Variants in ADAMTS7 observed in about 807,000 individuals in gnomAD.
ADAMTS7 encodes A disintegrin and metalloproteinase with thrombospondin motifs 7.
In ADAMTS7, 89 loss-of-function variants were observed where a neutral mutation model predicts 172.6. That is an observed-to-expected ratio of 0.52 (90% CI 0.43 to 0.61). The LOEUF (loss-of-function observed/expected upper bound fraction) is 0.61, where lower values mean the gene tolerates loss of function less well. Ranked by LOEUF, ADAMTS7 falls within the 20% of genes least tolerant of loss-of-function variation. The pLI is 0.00. For synonymous variants in ADAMTS7, 885 were observed against 978.4 expected, an observed-to-expected ratio of 0.90 and a Z score of 1.78; for missense variants, 1,973 against 2,355.6, an observed-to-expected ratio of 0.84 and a Z score of 3.36.
chr15:78,796,506 C>G (rs2055644990), intron 4 of ADAMTS7, 84 bp downstream of exon 4: 4 of 1,483,198 alleles, frequency 2.7e-6, no homozygotes, highest in Non-Finnish European at 3.7e-6. Context: ...TCCAGCCTGA[C>G]AGCCTTCCTG....
chr15:78,777,659 G>T, intron 8 of ADAMTS7, 71 bp from the exon 9 acceptor site: 5 of 1,543,242 alleles, frequency 3.2e-6, no homozygotes, highest in Non-Finnish European at 4.4e-6. Context: ...TGGTGGGGCC[G>T]GGACAGGAGG....
At position 78,789,205 on chromosome 15, in the gene ADAMTS7, C is replaced by T. The variant is rs74760983; in HGVS notation, c.1178+484G>A. On this transcript the variant is annotated intron_variant, in intron 7 of 23. Coordinates refer to ENST00000388820, the MANE Select transcript of ADAMTS7 (RefSeq NM_014272.5). ...AGCCAGGGCACAGGTGGCTGGAGGC[C>T]TGTGAAGACAGGAGCCTCAGGCAGC... 0.029 allele frequency among the ~76,000 whole-genome samples: 4,352 copies of T among 152,312 alleles called. 563 individuals carry two copies. In the East Asian group the frequency reaches 0.37, roughly 13 times the overall value.
intron 8 of ADAMTS7, among the ~76,000 whole-genome samples, chr15:78,785,546 C>CAA (rs58203887): frequency 1.6e-5 from 2 of 124,652 alleles, no homozygotes; most frequent in African/African-American, 3.3e-5. Context: ...GAGAGTCTCT[C>CAA]AAAAAAAAAA....
intron 2 of ADAMTS7, among the ~76,000 whole-genome samples, chr15:78,799,439 T>G (rs1196419579): frequency 7.7e-6 from 1 of 129,590 alleles, no homozygotes; most frequent in African/African-American, 2.5e-5. Flanking sequence ...AGCACCACCC[T>G]TCAGCCAGGC....
chr15:78,793,352 CTT>C lies in ADAMTS7; in HGVS notation c.820-2131_820-2130del, dbSNP rs55739451. ...CCTGTAGTAACGAAGTCTGTTTTAC[CTT>C]TTTTTTTTTTTTCTTTTGAGACAGA... On this transcript the variant is annotated intron_variant, in intron 4 of 23. Transcript: ENST00000388820. 9.1e-3 allele frequency among the ~76,000 whole-genome samples: 1,320 copies of C among 144,746 alleles called. 15 individuals carry two copies. Among genetic ancestry groups the C allele is most frequent in the African/African-American group, 0.03 (1,197 of 39,416 alleles). The allele number at this position is 144,746 out of a possible 152,430, so 95.0% of individuals were successfully genotyped here.
Position 78,811,316 on chromosome 15 carries a change from C to T in ADAMTS7, c.-96G>A. On this transcript the variant is annotated 5_prime_UTR_variant, in exon 1 of 24. Transcript: ENST00000388820. ...GTCCCAGGTCCGGCTCAGGACATGC[C>T]CGGCCGGCGTGCAGCTCCCGGCGAC... The T allele has an allele frequency of 8.3e-7, 1 of 1,208,088 alleles. No homozygotes were observed. Among genetic ancestry groups the T allele is most frequent in the Admixed American group, 4.3e-5 (1 of 23,140 alleles). The allele number at this position is 1,208,088 out of a possible 1,614,324, so 74.8% of individuals were successfully genotyped here.
At chr15:78,792,530 G>A (rs188985025) in intron 4 of ADAMTS7, among the ~76,000 whole-genome samples, 1 of 152,362 alleles carries the variant, frequency 6.6e-6, no homozygotes, top group African/African-American at 2.4e-5. Context: ...AAGGACAGAA[G>A]TCCCCAGCCT....
At chr15:78,806,129 A>ACACAC (rs1567245846) in intron 1 of ADAMTS7, among the ~76,000 whole-genome samples, 3 of 23,150 alleles carry the variant, frequency 1.3e-4, no homozygotes, top group African/African-American at 5.2e-4. Flanking sequence ...CACACACACA[A>ACACAC]AAAAAAAAAA....
At chr15:78,775,524 T>G (rs78632183) in intron 11 of ADAMTS7, among the ~76,000 whole-genome samples, 88,900 of 150,076 alleles carry the variant, frequency 0.59, 28,039 homozygotes, top group East Asian at 0.78. Context: ...TTGCCTCTGC[T>G]TCTCACCAGA....
At chr15:78,807,872 TC>T (rs1359270006) in intron 1 of ADAMTS7, among the ~76,000 whole-genome samples, 13 of 132,638 alleles carry the variant, frequency 9.8e-5, no homozygotes, top group East Asian at 5.9e-4. Context: ...TTTATTTATT[TC>T]TTTTTTTTTT....
At position 78,768,026 on chromosome 15, in the gene ADAMTS7, G is replaced by A. The variant is rs2055184835; in HGVS notation, c.2645+107C>T. 6 of 719,454 alleles carry A rather than the reference G, an allele frequency of 8.3e-6. No individual in the cohort carries two copies. In the East Asian group the frequency reaches 9.4e-5, roughly 11 times the overall value. The allele number at this position is 719,454 out of a possible 1,614,324, so 44.6% of individuals were successfully genotyped here. ...ACCTGTGGCAGACCCAGGATGCCTG[G>A]GGGTGGGGAGTTGGCGGGGGATGGG... On this transcript the variant is annotated intron_variant, in intron 17 of 23. Transcript: ENST00000388820.
intron 8 of ADAMTS7, among the ~76,000 whole-genome samples, chr15:78,777,906 C>T (rs1440302919): frequency 2.0e-5 from 3 of 152,238 alleles, no homozygotes; most frequent in South Asian, 2.1e-4. Context: ...TGTGGCCCTG[C>T]TCTCCGACCC....
intron 4 of ADAMTS7, among the ~76,000 whole-genome samples, chr15:78,793,443 G>A (rs2055606417): frequency 6.6e-6 from 1 of 151,496 alleles, no homozygotes; most frequent in South Asian, 2.1e-4. Context: ...AGCCGCTGCA[G>A]CCTCCACCTC....
chr15:78,767,468 A>G lies in ADAMTS7; in HGVS notation c.2770T>C (p.Cys924Arg). ...DEQSALEPPACEHLPRPPTET... is the reference protein window; with the variant it reads ...DEQSALEPPAREHLPRPPTET... ...GTAGGGGGCCGGGGAAGGTGTTCAC[A>G]GGCGGGTGGCTCCAGGGCGCTCTGC... is the stretch of plus-strand genomic sequence containing the variant. The change falls in exon 18 of 24, where the codon TGT (cysteine) becomes CGT (arginine). Residue 924 changes from cysteine (C) to arginine (R), a missense_variant. Transcript: ENST00000388820. 1 of 1,611,560 alleles carries G rather than the reference A, an allele frequency of 6.2e-7. No homozygotes were observed. Among genetic ancestry groups the G allele is most frequent in the Non-Finnish European group, 8.5e-7 (1 of 1,179,752 alleles).
intron 23 of ADAMTS7, chr15:78,761,947 TC>T (rs946618886): frequency 1.0e-6 from 1 of 985,226 alleles, no homozygotes; most frequent in African/African-American, 1.7e-5. Flanking sequence ...AGGAGGCCCT[TC>T]CTGTGGTTCC....
chr15:78,776,877 C>A, intron 9 of ADAMTS7, 36 bp from the exon 10 acceptor site: 1 of 1,503,426 alleles, frequency 6.7e-7, no homozygotes, highest in Non-Finnish European at 9.0e-7. Context: ...ACCCTCACAC[C>A]CTCCCCAGTG....
chr15:78,781,160 C>T (rs1473575750), intron 8 of ADAMTS7, among the ~76,000 whole-genome samples: 2 of 152,220 alleles, frequency 1.3e-5, no homozygotes, highest in African/African-American at 4.8e-5. Flanking sequence ...TGCGACGCCC[C>T]CAAGTCCTAG....
chr15:78,776,962 AC>A, intron 9 of ADAMTS7, 121 bp from the exon 10 acceptor site: 1 of 764,692 alleles, frequency 1.3e-6, no homozygotes, highest in Non-Finnish European at 2.1e-6. Context: ...GGGCCCACAG[AC>A]CCCCAGAGGT....
intron 8 of ADAMTS7, among the ~76,000 whole-genome samples, chr15:78,779,505 T>C (rs1454029931): frequency 6.6e-6 from 1 of 152,108 alleles, no homozygotes; most frequent in Non-Finnish European, 1.5e-5. Flanking sequence ...TGGCCTCAAA[T>C]ACTTCACCCC....
Sources: allele counts gnomAD v4.1 joint callset (sites outside exome capture counted in the v4.1 genomes callset), GRCh38; gene constraint gnomAD v4.1.1; transcripts MANE v1.5; gene names NCBI Gene and HGNC (gene_info 2026-07-23, HGNC 2026-07-21).